The following ZNF114 variants were observed in gnomAD, a reference collection of about 807,000 sequenced individuals.
The protein encoded by ZNF114 is zinc finger protein 114.
Under a neutral mutation model 6.8 loss-of-function variants are expected in ZNF114, and 8 were observed. The ratio of observed to expected loss-of-function variants is 1.18; its 90% CI spans 0.69 to 2.13. ZNF114 has a LOEUF of 2.13. Ranked by LOEUF, ZNF114 falls within the 30% of genes most tolerant of loss-of-function variation. The pLI, the probability that ZNF114 is intolerant of heterozygous loss-of-function variation, is 0.00. For missense variants in ZNF114, 472 were observed against 519.5 expected, an observed-to-expected ratio of 0.91 and a Z score of 0.89; for synonymous variants, 169 against 185.5, an observed-to-expected ratio of 0.91 and a Z score of 0.72.
chr19:48,285,794 C>A lies in ZNF114; in HGVS notation c.170C>A (p.Thr57Asn). 1.2e-6 allele frequency: 2 copies of A among 1,611,132 alleles called. No individual in the cohort carries two copies. Among genetic ancestry groups the A allele is most frequent in the Non-Finnish European group, 1.7e-6 (2 of 1,179,180 alleles). Residue 57 changes from threonine to asparagine, a missense_variant, in exon 6 of 6, where the codon ACC (threonine) becomes AAC (asparagine). Thr to Asn is a moderately conservative substitution (Grantham distance 65). Transcript: ENST00000595607. ...WATPCKTKDATPQPDILPKRT... is the reference protein window; with the variant it reads ...WATPCKTKDANPQPDILPKRT... The stretch of plus-strand genomic sequence containing the variant: ...ACTCCATGTAAAACCAAAGACGCAA[C>A]CCCTCAGCCGGATATTCTTCCTAAA...
At position 48,287,002 on chromosome 19, in the gene ZNF114, C is replaced by T; in HGVS notation, c.*124C>T. On this transcript the variant is annotated 3_prime_UTR_variant, in exon 6 of 6. Transcript: ENST00000595607. ...ATCTTCCCTGAACTCTCGTATCTTA[C>T]AGAAATGTGAAAAAAAACCCTGTGA... The T allele has an allele frequency of 9.5e-7, 1 of 1,056,744 alleles. No individual in the cohort carries two copies. The highest frequency in any genetic ancestry group is 1.3e-6 in the Non-Finnish European group (1 of 776,798). 65.5% of individuals were successfully genotyped at this position (1,056,744 alleles called of 1,614,324 possible).
intron 1 of ZNF114, 55 bp from the exon 2 acceptor site, chr19:48,271,190 G>A (rs1327498123): frequency 6.6e-6 from 1 of 152,272 alleles, no homozygotes; most frequent in African/African-American, 2.4e-5. Flanking sequence ...CATAAAAATG[G>A]GGACAAGAGA....
chr19:48,277,794 G>GTGTGT (rs1967877326), intron 3 of ZNF114, among the ~76,000 whole-genome samples: 3 of 119,338 alleles, frequency 2.5e-5, no homozygotes, highest in African/African-American at 6.6e-5. Context: ...GGAGGCATTG[G>GTGTGT]GTGTGTGTGT....
chr19:48,278,236 C>G (rs932689267), intron 3 of ZNF114, among the ~76,000 whole-genome samples: 5 of 152,140 alleles, frequency 3.3e-5, no homozygotes, highest in Non-Finnish European at 7.4e-5. Context: ...GCGCCCGGCC[C>G]AATTCACCTT....
chr19:48,283,219 A>G (rs1332296657), intron 5 of ZNF114, among the ~76,000 whole-genome samples: 2 of 152,172 alleles, frequency 1.3e-5, no homozygotes, highest in East Asian at 3.8e-4. Context: ...ATTGAACAGA[A>G]TTTGGGGGAT....
Position 48,285,873 on chromosome 19 carries a change from C to T in ZNF114, c.249C>T (p.His83=). 1.9e-6 allele frequency: 3 copies of T among 1,614,184 alleles called. No individual in the cohort carries two copies. Among genetic ancestry groups the T allele is most frequent in the Non-Finnish European group, 2.5e-6 (3 of 1,180,028 alleles). ...GTCTCACGAGCATCAGTTCCCAGCA[C>T]TCCACATTAAGAGAAGACTGGAGAT... The part of the protein sequence containing the change: ...RVCLTSISSQ[H]STLREDWRCP... The change falls in exon 6 of 6, where the codon CAC becomes CAT. Residue 83 remains histidine (H), a synonymous_variant. Coordinates refer to ENST00000595607, the MANE Select transcript of ZNF114 (RefSeq NM_153608.4).
In ZNF114 at chr19:48,286,893, A is replaced by T. The variant is rs753775051; in HGVS notation, c.*15A>T. The T allele has an allele frequency of 7.8e-6, 12 of 1,539,148 alleles. No individual in the cohort carries two copies. Among genetic ancestry groups the T allele is most frequent in the South Asian group, 3.9e-5 (3 of 76,044 alleles). On this transcript the variant is annotated 3_prime_UTR_variant, in exon 6 of 6. Coordinates refer to ENST00000595607, the MANE Select transcript of ZNF114 (RefSeq NM_153608.4). ...CCTGTGAATGAAAGGAAGGTGGAAA[A>T]TTTTTCATTAATTTTCTGACTGTAC...
chr19:48,285,527 G>A (rs1358321018), intron 5 of ZNF114, among the ~76,000 whole-genome samples: 1 of 132,752 alleles, frequency 7.5e-6, no homozygotes, highest in Non-Finnish European at 1.6e-5. Context: ...GAGAGAACGA[G>A]AGAGAGAGAG....
rs1968126838 is a variant in ZNF114 at position 48,286,283 on chromosome 19, G to T, written c.659G>T (p.Arg220Met). ...IRDEIDTGAN[R>M]HQRNPFGKAF... Reference sequence around the variant, plus strand: ...GATGAAATTGATACGGGGGCCAACAGGCACCAGCGGAATCCATTTGGAAAA... The same window carrying T: ...GATGAAATTGATACGGGGGCCAACATGCACCAGCGGAATCCATTTGGAAAA... The change falls in exon 6 of 6, where the codon AGG (arginine) becomes ATG (methionine). Residue 220 changes from arginine (R) to methionine (M), a missense_variant. By Grantham distance (91) the Arg-to-Met change is moderately conservative (BLOSUM62 -1). Transcript: ENST00000595607. 6.2e-7 allele frequency: 1 copy of T among 1,614,076 alleles called. No individual in the cohort carries two copies.
chr19:48,274,500 ATATATAT>A (rs1186256238), intron 3 of ZNF114, among the ~76,000 whole-genome samples: 6 of 73,552 alleles, frequency 8.2e-5, no homozygotes, highest in African/African-American at 3.1e-4. Context: ...ATATATATAT[ATATATAT>A]TTTTTTTTTT....
At chr19:48,279,959 GGA>G in intron 4 of ZNF114, 151 bp downstream of exon 4, 1 of 1,129,236 alleles carries the variant, frequency 8.9e-7, no homozygotes, top group African/African-American at 1.5e-5. Flanking sequence ...ACCTCTGCTT[GGA>G]GAGAGATGCT....
rs757426248 is a variant in ZNF114, at chr19:48,286,152, C to T, written c.528C>T (p.Asp176=). ...DSQKTHENNE[D]DGVLGWNIQW... is the part of the protein sequence containing the mutation. ...AAAAAACACATGAAAACAACGAAGA[C>T]GATGGAGTCTTGGGGTGGAACATTC... The change falls in exon 6 of 6, where the codon GAC becomes GAT. Residue 176 remains aspartate, a synonymous_variant. Transcript: ENST00000595607. 2.2e-5 allele frequency: 35 copies of T among 1,614,126 alleles called. No individual in the cohort carries two copies. Among genetic ancestry groups the T allele is most frequent in the South Asian group, 1.6e-4 (15 of 91,084 alleles).
In ZNF114 at chr19:48,284,150, C is replaced by T. The variant is rs73045528; in HGVS notation, c.137-1611C>T. ...CATTCTTTGGTGCGTCAGTTTCTCA[C>T]GGCATTCCTCAGATCAGTGAGCATA... is the stretch of plus-strand genomic sequence containing the variant. On this transcript the variant is annotated intron_variant, in intron 5 of 5. Coordinates refer to ENST00000595607, the MANE Select transcript of ZNF114 (RefSeq NM_153608.4). Among the ~76,000 whole-genome samples, 1,281 of 152,292 alleles carry T rather than the reference C, an allele frequency of 8.4e-3. 6 individuals are homozygous for T. Among genetic ancestry groups the T allele is most frequent in the Non-Finnish European group, 0.015 (989 of 68,040 alleles).
chr19:48,286,750 T>G lies in ZNF114; in HGVS notation c.1126T>G (p.Tyr376Asp), dbSNP rs1457406599. The change falls in exon 6 of 6, where the codon TAT becomes GAT. Residue 376 changes from tyrosine (Y) to aspartate (D), a missense_variant. Tyr to Asp is a radical substitution (Grantham distance 160). Transcript: ENST00000595607. ...GAAAGTCATTCGGGAGTCCTCAAAA[T>G]ATACACATATAAGGAGCCACACTGG... Reference protein sequence around the residue: ...CGKVIRESSKYTHIRSHTGEK... With the variant: ...CGKVIRESSKDTHIRSHTGEK... 6 of 1,613,492 alleles carry G rather than the reference T, an allele frequency of 3.7e-6. No homozygotes were observed. The highest frequency in any genetic ancestry group is 5.1e-6 in the Non-Finnish European group (6 of 1,179,936).
rs926409045 is a variant in ZNF114 at position 48,287,161 on chromosome 19, A to G, written c.*283A>G. ...GTGGTCTCAAATTCATGGTTCATAC[A>G]AGAACTCACACTGCAGAGACTCCTT... On this transcript the variant is annotated 3_prime_UTR_variant, in exon 6 of 6. Transcript: ENST00000595607. 3 of 233,570 alleles carry G rather than the reference A, an allele frequency of 1.3e-5. No individual in the cohort carries two copies. Among genetic ancestry groups the G allele is most frequent in the Non-Finnish European group, 2.5e-5 (3 of 121,126 alleles). The allele number at this position is 233,570 out of a possible 1,614,324, so 14.5% of individuals were successfully genotyped here.
At chr19:48,281,501 CT>C (rs3077995) in intron 4 of ZNF114, 45,486 of 126,298 alleles carry the variant, frequency 0.36, 7,754 homozygotes, top group Middle Eastern at 0.44. Flanking sequence ...ATTTCCCCTT[CT>C]TTTTTTTTTT....
chr19:48,278,097 G>A (rs112924788), intron 3 of ZNF114, among the ~76,000 whole-genome samples: 8,443 of 151,910 alleles, frequency 0.056, 495 homozygotes, highest in African/African-American at 0.15. Context: ...CACCACGCCC[G>A]GTTAATTTTT....
At chr19:48,281,055 A>T (rs976080154) in intron 4 of ZNF114, among the ~76,000 whole-genome samples, 1 of 151,832 alleles carries the variant, frequency 6.6e-6, no homozygotes, top group Non-Finnish European at 1.5e-5. Flanking sequence ...AGGTGGGAGG[A>T]TCGCTTGAGC....
chr19:48,276,259 A>C lies in ZNF114; in HGVS notation c.-69-3472A>C, dbSNP rs1244113321. On this transcript the variant is annotated intron_variant, in intron 3 of 5. Coordinates refer to ENST00000595607, the MANE Select transcript of ZNF114 (RefSeq NM_153608.4). The stretch of plus-strand genomic sequence containing the variant: ...CACACCCGGCTAATTTTGTATTTTT[A>C]GTAGAGACGGGGTTTCTCCATGTTG... Among the ~76,000 whole-genome samples, 3 of 151,568 alleles carry C rather than the reference A, an allele frequency of 2.0e-5. No homozygotes were observed. The East Asian group carries it at 6.0e-4, about 30-fold the overall frequency.
Sources: allele counts gnomAD v4.1 joint callset (sites outside exome capture counted in the v4.1 genomes callset), GRCh38; gene constraint gnomAD v4.1.1; transcripts MANE v1.5; gene names NCBI Gene and HGNC (gene_info 2026-07-23, HGNC 2026-07-21).